SMOC2: variants seen among roughly 807,000 people sequenced by gnomAD.
SMOC2 encodes the protein SPARC related modular calcium binding 2.
SMOC2 carries 39 observed loss-of-function variants against 61.4 expected under a neutral mutation model. The ratio of observed to expected loss-of-function variants is 0.64; its 90% confidence interval spans 0.49 to 0.83. SMOC2 has a LOEUF of 0.83. Among genes scored for constraint, SMOC2 ranks in the 40% least tolerant of loss-of-function variants. SMOC2 has a pLI of 0.00. For missense variants in SMOC2, 556 were observed against 592.9 expected, an observed-to-expected ratio of 0.94 and a Z score of 0.65; for synonymous variants, 247 against 239.9, an observed-to-expected ratio of 1.03 and a Z score of -0.27.
intron 4 of SMOC2, among the ~76,000 whole-genome samples, chr6:168,532,257 C>T (rs912761216): frequency 9.9e-5 from 15 of 152,218 alleles, no homozygotes; most frequent in South Asian, 4.2e-4. Flanking sequence ...CCTGCTGCCC[C>T]GGTGTTCAAG....
chr6:168,563,004 G>T (rs750581767), intron 7 of SMOC2, among the ~76,000 whole-genome samples: 4 of 152,244 alleles, frequency 2.6e-5, no homozygotes, highest in Non-Finnish European at 4.4e-5. Context: ...CGGAACGGGG[G>T]CTGGGAGTGG....
rs189935709 is a variant in SMOC2 at position 168,596,885 on chromosome 6, C to T, written c.638-1933C>T. ...GAGCCCACACAGAACTTATAAGACACAATCATATGAAATTTCAGTCATTGA... is the reference window on the plus strand; with the variant it reads ...GAGCCCACACAGAACTTATAAGACATAATCATATGAAATTTCAGTCATTGA... On this transcript the variant is annotated intron_variant, in intron 7 of 12. Transcript: ENST00000356284. Among the ~76,000 whole-genome samples, 3 of 152,370 alleles carry T rather than the reference C, an allele frequency of 2.0e-5. No homozygotes were observed. In the East Asian group the frequency reaches 5.8e-4, roughly 29 times the overall value.
At chr6:168,614,492 T>C (rs1346832638) in intron 9 of SMOC2, among the ~76,000 whole-genome samples, 1 of 50,334 alleles carries the variant, frequency 2.0e-5, no homozygotes, top group Admixed American at 2.1e-4. Flanking sequence ...GCACAGGGCC[T>C]CTTCACACCT....
intron 9 of SMOC2, among the ~76,000 whole-genome samples, chr6:168,629,014 AG>A (rs1786494397): frequency 6.6e-6 from 1 of 152,186 alleles, no homozygotes; most frequent in Non-Finnish European, 1.5e-5. Flanking sequence ...CAGGCAGGCG[AG>A]GGGGACTCAC....
At chr6:168,522,092 C>G (rs1241748318) in intron 2 of SMOC2, among the ~76,000 whole-genome samples, 3 of 152,078 alleles carry the variant, frequency 2.0e-5, no homozygotes, top group African/African-American at 7.3e-5. Flanking sequence ...TAATTTCCAG[C>G]TAAGATGTTT....
chr6:168,459,286 C>T (rs533467792), intron 1 of SMOC2, among the ~76,000 whole-genome samples: 26 of 152,052 alleles, frequency 1.7e-4, no homozygotes, highest in Non-Finnish European at 1.5e-4. Flanking sequence ...TCTAGGGCTT[C>T]GTAGGTGTGT....
At chr6:168,604,827 G>A (rs554173079) in intron 8 of SMOC2, among the ~76,000 whole-genome samples, 2 of 152,348 alleles carry the variant, frequency 1.3e-5, no homozygotes, top group East Asian at 1.9e-4. Flanking sequence ...CTGCCCAGAT[G>A]AGGCAGGAGC....
chr6:168,650,275 G>T (rs112199083), intron 9 of SMOC2, among the ~76,000 whole-genome samples: 1 of 152,084 alleles, frequency 6.6e-6, no homozygotes, highest in Non-Finnish European at 1.5e-5. Flanking sequence ...GGTGGGGGTG[G>T]CGGTGAATCA....
intron 9 of SMOC2, among the ~76,000 whole-genome samples, chr6:168,648,185 ATTC>A (rs1185092350): frequency 1.3e-5 from 2 of 152,232 alleles, no homozygotes; most frequent in South Asian, 2.1e-4. Flanking sequence ...AGATAATAAT[ATTC>A]TTCTCCATCA....
chr6:168,524,772 G>T (rs1164165700), intron 2 of SMOC2, among the ~76,000 whole-genome samples: 1 of 152,278 alleles, frequency 6.6e-6, no homozygotes, highest in African/African-American at 2.4e-5. Context: ...AAAGCTGAAG[G>T]CATGAAGCTG....
intron 9 of SMOC2, among the ~76,000 whole-genome samples, chr6:168,639,445 T>G (rs1167682381): frequency 6.6e-6 from 1 of 152,242 alleles, no homozygotes; most frequent in Non-Finnish European, 1.5e-5. Context: ...TTTTGATACC[T>G]GAGTAGGATA....
intron 6 of SMOC2, 57 bp downstream of exon 6, chr6:168,547,226 T>C (rs1015125503): frequency 3.3e-6 from 5 of 1,499,228 alleles, no homozygotes; most frequent in African/African-American, 1.4e-5. Context: ...AGGGACGGTA[T>C]GGAGCTGGGA....
intron 9 of SMOC2, among the ~76,000 whole-genome samples, chr6:168,636,109 G>T (rs939214417): frequency 6.6e-6 from 1 of 152,194 alleles, no homozygotes; most frequent in Non-Finnish European, 1.5e-5. Context: ...AGAAGTGTCT[G>T]CACTCAGAGC....
chr6:168,526,100 A>C (rs1323551402), intron 2 of SMOC2, among the ~76,000 whole-genome samples: 1 of 152,120 alleles, frequency 6.6e-6, no homozygotes, highest in African/African-American at 2.4e-5. Context: ...CTCAATGTGG[A>C]GAATGGGCCT....
At chr6:168,446,014 G>A (rs1448832444) in intron 1 of SMOC2, among the ~76,000 whole-genome samples, 4 of 152,184 alleles carry the variant, frequency 2.6e-5, no homozygotes, top group Non-Finnish European at 5.9e-5. Context: ...TATTAAGATT[G>A]TCAGCAGAAC....
chr6:168,477,360 A>G (rs1295789439), intron 1 of SMOC2, among the ~76,000 whole-genome samples: 1 of 152,164 alleles, frequency 6.6e-6, no homozygotes, highest in African/African-American at 2.4e-5. Context: ...TTACCTTTTC[A>G]GTTTTCAGAG....
intron 1 of SMOC2, among the ~76,000 whole-genome samples, chr6:168,446,199 C>T (rs1353069035): frequency 6.6e-6 from 1 of 152,142 alleles, no homozygotes; most frequent in African/African-American, 2.4e-5. Context: ...CCCATCTTTA[C>T]TAAAAATACA....
At chr6:168,525,825 G>A (rs1783440165) in intron 2 of SMOC2, among the ~76,000 whole-genome samples, 1 of 152,214 alleles carries the variant, frequency 6.6e-6, no homozygotes, top group African/African-American at 2.4e-5. Context: ...TGCAGCTGTG[G>A]TTGGAAGTCC....
chr6:168,488,438 G>A (rs1782385697), intron 1 of SMOC2, among the ~76,000 whole-genome samples: 1 of 152,362 alleles, frequency 6.6e-6, no homozygotes, highest in Admixed American at 6.5e-5. Flanking sequence ...TCTGGAGGGT[G>A]CAGGTGTGAG....
Sources: allele counts gnomAD v4.1 joint callset (sites outside exome capture counted in the v4.1 genomes callset), GRCh38; gene constraint gnomAD v4.1.1; transcripts MANE v1.5; gene names NCBI Gene and HGNC (gene_info 2026-07-23, HGNC 2026-07-21).